The following PARP4 variants were observed in gnomAD, a reference collection of about 807,000 sequenced individuals.
PARP4 encodes poly(ADP-ribose) polymerase family member 4, also known as protein mono-ADP-ribosyltransferase PARP4.
In PARP4, 120 loss-of-function variants were observed where a neutral mutation model predicts 187.7. That is an observed-to-expected ratio of 0.64 (90% CI 0.55 to 0.74). The LOEUF is 0.74. Among genes scored for constraint, PARP4 ranks in the 30% least tolerant of loss-of-function variants. PARP4 has a pLI of 0.00. For synonymous variants in PARP4, 654 were observed against 740.9 expected (o/e 0.88, Z 1.90); for missense variants, 1,836 against 2,070.5 (o/e 0.89, Z 2.20).
At chr13:24,425,599 C>CTATATATATA (rs138449687) in intron 33 of PARP4, among the ~76,000 whole-genome samples, 12 of 138,074 alleles carry the variant, frequency 8.7e-5, no homozygotes, top group African/African-American at 3.6e-4. Context: ...ATATCTATAT[C>CTATATATATA]TATATCTATA....
rs182341102 is a variant in PARP4, at chr13:24,422,080, G to A, written c.4980-766C>T. 1.2e-3 allele frequency among the ~76,000 whole-genome samples: 179 copies of A among 152,266 alleles called. 3 individuals are homozygous for A. In the East Asian group the frequency reaches 0.018, roughly 15 times the overall value. On this transcript the variant is annotated intron_variant, in intron 33 of 33. Transcript: ENST00000381989. Reference sequence around the variant, plus strand: ...TTTCCCTGTGAACTGGGAAAGGGCCGTCAGTATAGCGTGGTGGTTAAGAGC... The same window carrying A: ...TTTCCCTGTGAACTGGGAAAGGGCCATCAGTATAGCGTGGTGGTTAAGAGC...
Position 24,434,601 on chromosome 13 carries a change from G to C in PARP4, c.4540C>G (p.Pro1514Ala), listed in dbSNP as rs1344315191. The C allele has an allele frequency of 9.9e-6, 16 of 1,612,246 alleles. No individual in the cohort carries two copies. The highest frequency in any genetic ancestry group is 1.2e-5 in the Non-Finnish European group (14 of 1,178,522). ...TCAGAACTTTGAAAAGCAAAGACAGGACATCGACTTCCTTCGAGACTGCCT... is the reference window on the plus strand; with the variant it reads ...TCAGAACTTTGAAAAGCAAAGACAGCACATCGACTTCCTTCGAGACTGCCT... The part of the protein sequence containing the change: ...SVGSLEGSRC[P>A]VFAFQSSDTE... Residue 1514 changes from proline (P) to alanine (A), a missense_variant, in exon 31 of 34, where the codon CCT becomes GCT. Around this residue, in one of 8 missense-constraint regions of PARP4, gnomAD observed 450 missense variants for 439.2 expected, o/e 1.02. Coordinates refer to ENST00000381989, the MANE Select transcript of PARP4 (RefSeq NM_006437.4).
chr13:24,454,989 C>T (rs939499787), intron 22 of PARP4, 28 bp downstream of exon 22: 3 of 1,530,454 alleles, frequency 2.0e-6, no homozygotes, highest in African/African-American at 1.4e-5. Context: ...GGGAAGCACA[C>T]GCAGGACCAG....
At chr13:24,462,890 C>T (rs980832601) in intron 17 of PARP4, among the ~76,000 whole-genome samples, 8 of 151,882 alleles carry the variant, frequency 5.3e-5, no homozygotes, top group Non-Finnish European at 8.8e-5. Flanking sequence ...GCTCCAAAAG[C>T]TGTGGTGCAA....
chr13:24,504,591 G>T (rs1869507191), intron 1 of PARP4, among the ~76,000 whole-genome samples: 1 of 151,640 alleles, frequency 6.6e-6, no homozygotes, highest in African/African-American at 2.4e-5. Flanking sequence ...ACCCAGCCTG[G>T]GTTAATTTAA....
intron 6 of PARP4, among the ~76,000 whole-genome samples, chr13:24,495,035 C>A (rs1246874950): frequency 6.6e-6 from 1 of 152,074 alleles, no homozygotes; most frequent in African/African-American, 2.4e-5. Context: ...CCACACCTGG[C>A]TAATTTTTTT....
chr13:24,431,228 C>T, intron 32 of PARP4, 149 bp downstream of exon 32: 1 of 528,178 alleles, frequency 1.9e-6, no homozygotes, highest in Non-Finnish European at 3.3e-6. Context: ...CTCCCATTTC[C>T]TTTAATGGTT....
chr13:24,467,688 G>A (rs1234735735), intron 17 of PARP4, among the ~76,000 whole-genome samples: 1 of 152,200 alleles, frequency 6.6e-6, no homozygotes, highest in Admixed American at 6.5e-5. Context: ...CATTCTGGGA[G>A]ACCTGAAGGC....
intron 24 of PARP4, among the ~76,000 whole-genome samples, chr13:24,450,750 C>A (rs867448704): frequency 6.6e-6 from 1 of 152,192 alleles, no homozygotes; most frequent in African/African-American, 2.4e-5. Context: ...CCCAAAAACT[C>A]GACAGAAAAG....
At chr13:24,472,358 C>T (rs919329756) in intron 15 of PARP4, among the ~76,000 whole-genome samples, 4 of 152,116 alleles carry the variant, frequency 2.6e-5, no homozygotes, top group Admixed American at 1.3e-4. Flanking sequence ...CTCTGAGCTG[C>T]CTTGAGGATG....
chr13:24,501,079 C>T (rs983675308), intron 3 of PARP4, among the ~76,000 whole-genome samples: 3 of 152,166 alleles, frequency 2.0e-5, no homozygotes, highest in Admixed American at 6.5e-5. Flanking sequence ...TCCACCCTGC[C>T]AAGTCAGTAC....
At chr13:24,510,485 C>A (rs1410286589) in intron 1 of PARP4, among the ~76,000 whole-genome samples, 1 of 138,302 alleles carries the variant, frequency 7.2e-6, no homozygotes, top group Admixed American at 7.9e-5. Context: ...ACCCGGGAGG[C>A]GGAGCTTGCA....
intron 31 of PARP4, among the ~76,000 whole-genome samples, chr13:24,432,021 C>T (rs1449259179): frequency 6.6e-6 from 1 of 152,274 alleles, no homozygotes; most frequent in East Asian, 1.9e-4. Flanking sequence ...GCCACCATAC[C>T]CGGCCGAGAT....
intron 1 of PARP4, among the ~76,000 whole-genome samples, chr13:24,505,591 C>T (rs1303864549): frequency 2.0e-5 from 3 of 152,166 alleles, no homozygotes; most frequent in Non-Finnish European, 4.4e-5. Flanking sequence ...TAGCGGGCAG[C>T]TTACAAAATG....
chr13:24,489,485 A>G (rs960469562), intron 10 of PARP4, among the ~76,000 whole-genome samples: 1 of 152,100 alleles, frequency 6.6e-6, no homozygotes, highest in African/African-American at 2.4e-5. Context: ...GCGTGCGTCT[A>G]TAGTCCCAGC....
At chr13:24,487,680 C>T (rs1287643695) in intron 10 of PARP4, among the ~76,000 whole-genome samples, 2 of 152,042 alleles carry the variant, frequency 1.3e-5, no homozygotes, top group Non-Finnish European at 2.9e-5. Flanking sequence ...AGGAAGGGCA[C>T]ATCTTCCCAA....
rs147689796 is a variant in PARP4 at position 24,470,577 on chromosome 13, G to A, written c.1915-552C>T. Reference sequence around the variant, plus strand: ...ATCTAATTAATCTTTCCAACAGACTGTTTTCATCACTCCCTCACTCAGGAA... The same window carrying A: ...ATCTAATTAATCTTTCCAACAGACTATTTTCATCACTCCCTCACTCAGGAA... On this transcript the variant is annotated intron_variant, in intron 15 of 33. Transcript: ENST00000381989. 3.9e-3 allele frequency among the ~76,000 whole-genome samples: 589 copies of A among 152,006 alleles called. 2 individuals carry two copies. Among genetic ancestry groups the A allele is most frequent in the Non-Finnish European group, 5.8e-3 (393 of 67,992 alleles).
intron 30 of PARP4, among the ~76,000 whole-genome samples, chr13:24,440,950 G>T (rs1321126725): frequency 2.0e-5 from 3 of 152,082 alleles, no homozygotes; most frequent in Admixed American, 6.5e-5. Context: ...TTGGCTCACT[G>T]CAACCTCTGC....
intron 11 of PARP4, among the ~76,000 whole-genome samples, 159 bp downstream of exon 11, chr13:24,486,009 C>G (rs1381000226): frequency 6.6e-6 from 1 of 152,008 alleles, no homozygotes; most frequent in South Asian, 2.1e-4. Flanking sequence ...AAATTACACA[C>G]TTAATTATAA....
Sources: allele counts gnomAD v4.1 joint callset (sites outside exome capture counted in the v4.1 genomes callset), GRCh38; gene constraint gnomAD v4.1.1; regional missense constraint gnomAD v4.1.1; transcripts MANE v1.5; gene names NCBI Gene and HGNC (gene_info 2026-07-23, HGNC 2026-07-21).